SCN2A: variants seen among roughly 807,000 people sequenced by gnomAD.
SCN2A encodes sodium channel protein type 2 subunit alpha.
Under a neutral mutation model 188.7 loss-of-function variants are expected in SCN2A, and 20 were observed. The observed-to-expected ratio is 0.11, with a 90% CI of 0.07 to 0.15. The LOEUF is 0.15. Among genes scored for constraint, SCN2A ranks in the 10% least tolerant of loss-of-function variants. The probability of loss-of-function intolerance (pLI) is 1.00; values close to 1 mark genes in which losing one functional copy is unlikely to be tolerated. For synonymous variants in SCN2A, 804 were observed against 833.1 expected (o/e 0.97, Z 0.60); for missense variants, 1,278 against 2,445.0 (o/e 0.52, Z 10.07).
chr2:165,262,357 T>C (rs1426113207), intron 1 of SCN2A, among the ~76,000 whole-genome samples: 1 of 152,072 alleles, frequency 6.6e-6, no homozygotes, highest in Non-Finnish European at 1.5e-5. Context: ...TGTAGTCTCT[T>C]ATCTCTCACC....
chr2:165,291,491 T>TTTCTTTCTTTCTTTCTTTCC (rs1389976633), intron 1 of SCN2A, among the ~76,000 whole-genome samples: 1 of 38,834 alleles, frequency 2.6e-5, no homozygotes, highest in Admixed American at 3.5e-4. Context: ...TCTTTCTTTC[T>TTTCTTTCTTTCTTTCTTTCC]TTTCTTTCTT....
chr2:165,361,648 A>G (rs1559388709), intron 17 of SCN2A, among the ~76,000 whole-genome samples: 1 of 152,052 alleles, frequency 6.6e-6, no homozygotes, highest in Non-Finnish European at 1.5e-5. Context: ...GTATTCAAGT[A>G]ACACATGTGA....
At chr2:165,352,613 G>GATA (rs1699983108) in intron 16 of SCN2A, among the ~76,000 whole-genome samples, 1 of 152,124 alleles carries the variant, frequency 6.6e-6, no homozygotes, top group South Asian at 2.1e-4. Context: ...GCACCAACCT[G>GATA]ATACTACAAG....
chr2:165,390,828 A>T lies in SCN2A; in HGVS notation c.*1004A>T, dbSNP rs1227999099. On this transcript the variant is annotated 3_prime_UTR_variant, in exon 27 of 27. Transcript: ENST00000375437. ...TCCCCACCACCACTTTATAAAGTTG[A>T]TTCTGCTTTATCCTGCAGTATTGTT... The T allele has an allele frequency of 2.0e-5, 3 of 152,544 alleles. No homozygotes were observed. The highest frequency in any genetic ancestry group is 7.2e-5 in the African/African-American group (3 of 41,442). 9.4% of individuals were successfully genotyped at this position (152,544 alleles called of 1,614,324 possible).
chr2:165,367,108 T>G (rs1700769549), intron 18 of SCN2A, 109 bp from the exon 19 acceptor site: 1 of 1,048,546 alleles, frequency 9.5e-7, no homozygotes, highest in African/African-American at 1.6e-5. Flanking sequence ...AAAATTAATG[T>G]TATTTACAAT....
chr2:165,261,106 G>A (rs900002545), intron 1 of SCN2A, among the ~76,000 whole-genome samples: 3 of 151,726 alleles, frequency 2.0e-5, no homozygotes, highest in Non-Finnish European at 4.4e-5. Flanking sequence ...TTGTCATATT[G>A]TAATGTTTAG....
At chr2:165,320,597 A>G (rs1170988179) in intron 11 of SCN2A, among the ~76,000 whole-genome samples, 1 of 152,238 alleles carries the variant, frequency 6.6e-6, no homozygotes, top group Admixed American at 6.5e-5. Context: ...ATCTAGGCAG[A>G]TGTTCCCAAA....
intron 18 of SCN2A, among the ~76,000 whole-genome samples, chr2:165,366,717 CAA>C (rs10680037): frequency 8.0e-6 from 1 of 125,506 alleles, no homozygotes; most frequent in African/African-American, 3.1e-5. Flanking sequence ...GACTCCCTCT[CAA>C]AAAAAAAAAA....
rs1261133567 is a variant in SCN2A at position 165,373,356 on chromosome 2, G to A, written c.3972+9G>A. 6.2e-7 allele frequency: 1 copy of A among 1,612,880 alleles called. No homozygotes were observed. The highest frequency in any genetic ancestry group is 1.7e-5 in the Admixed American group (1 of 59,940). On this transcript the variant is annotated intron_variant, in intron 21 of 26. Coordinates refer to ENST00000375437, the MANE Select transcript of SCN2A (RefSeq NM_001040142.2). ...GGTTTGAAGGAATGAGGGTAAGACT[G>A]AATGCCTTAGAGTTTGTCAGAATTA... is the stretch of plus-strand genomic sequence containing the variant.
Position 165,354,203 on chromosome 2 carries a change from C to A in SCN2A, c.2931C>A (p.Leu977=). The part of the protein sequence containing the change: ...MVIGNLVVLN[L]FLALLLSSFS... The stretch of plus-strand genomic sequence containing the variant: ...CTGCTGTGTTTCAGGTTCTGAACCT[C>A]TTCTTGGCCTTGCTTTTGAGTTCCT... Residue 977 remains leucine (L), a synonymous_variant, in exon 17 of 27, where the codon CTC becomes CTA. Transcript: ENST00000375437. 6.2e-7 allele frequency: 1 copy of A among 1,613,806 alleles called. No individual in the cohort carries two copies. The highest frequency in any genetic ancestry group is 2.2e-5 in the East Asian group (1 of 44,858).
chr2:165,266,336 T>G (rs1401149658), intron 1 of SCN2A: 2 of 152,106 alleles, frequency 1.3e-5, no homozygotes, highest in African/African-American at 4.8e-5. Flanking sequence ...TTAATTTTAG[T>G]CTTCTTCTTT....
In SCN2A at chr2:165,301,656, A is replaced by AGGTACAT. The variant is rs1347979392; in HGVS notation, c.386+4521_386+4522insGGTACAT. Among the ~76,000 whole-genome samples the AGGTACAT allele has an allele frequency of 3.9e-5, 6 of 152,308 alleles. No individual in the cohort carries two copies. The Middle Eastern group carries it at 0.017, about 432-fold the overall frequency. On this transcript the variant is annotated intron_variant, in intron 3 of 26. Transcript: ENST00000375437. Reference sequence around the variant, plus strand: ...GCTAGTACTTAGTAGGTACTCAATAAAGGATATCTATGACAGTAATAGCTA... The same window carrying AGGTACAT: ...GCTAGTACTTAGTAGGTACTCAATAAGGTACATAGGATATCTATGACAGTAATAGCTA...
At chr2:165,287,011 G>A (rs191584955) in intron 1 of SCN2A, among the ~76,000 whole-genome samples, 66 of 152,284 alleles carry the variant, frequency 4.3e-4, no homozygotes, top group Middle Eastern at 3.4e-3. Context: ...TCCTTGCCTC[G>A]TTGGAGGAAA....
chr2:165,301,962 G>T (rs1696835550), intron 3 of SCN2A, among the ~76,000 whole-genome samples: 1 of 152,080 alleles, frequency 6.6e-6, no homozygotes, highest in South Asian at 2.1e-4. Context: ...TTGATTCTTG[G>T]CTCTTTGCAT....
intron 17 of SCN2A, among the ~76,000 whole-genome samples, chr2:165,355,795 G>A (rs1447179111): frequency 1.3e-5 from 2 of 151,990 alleles, no homozygotes; most frequent in East Asian, 1.9e-4. Flanking sequence ...TCAGGAGTTC[G>A]AGACCAGCGT....
chr2:165,350,936 T>G (rs1488551742), intron 16 of SCN2A, among the ~76,000 whole-genome samples: 1 of 152,118 alleles, frequency 6.6e-6, no homozygotes, highest in African/African-American at 2.4e-5. Flanking sequence ...GAGGATAAGT[T>G]GGATAATAGT....
chr2:165,367,195 AT>A (rs1218490402), intron 18 of SCN2A, 21 bp from the exon 19 acceptor site: 1 of 1,613,500 alleles, frequency 6.2e-7, no homozygotes, highest in Non-Finnish European at 8.5e-7. Context: ...TTTTGTCTTC[AT>A]TTTTTTCCCA....
At chr2:165,243,531 G>A (rs1184720398) in intron 1 of SCN2A, among the ~76,000 whole-genome samples, 1 of 151,810 alleles carries the variant, frequency 6.6e-6, no homozygotes, top group Non-Finnish European at 1.5e-5. Flanking sequence ...GAACCTGGGA[G>A]GCGGAGGTTG....
intron 3 of SCN2A, among the ~76,000 whole-genome samples, chr2:165,307,374 C>T (rs963428432): frequency 2.0e-5 from 3 of 152,100 alleles, no homozygotes; most frequent in African/African-American, 7.2e-5. Context: ...TGAGCAATTA[C>T]AGTATATTAT....
Sources: allele counts gnomAD v4.1 joint callset (sites outside exome capture counted in the v4.1 genomes callset), GRCh38; gene constraint gnomAD v4.1.1; transcripts MANE v1.5; gene names NCBI Gene and HGNC (gene_info 2026-07-23, HGNC 2026-07-21).